Variants in SNTG1 observed in about 807,000 individuals in gnomAD.
SNTG1 encodes gamma-1-syntrophin.
A neutral mutation model predicts 74.7 loss-of-function variants in SNTG1; 39 were observed. The observed-to-expected ratio is 0.52, with a 90% CI of 0.40 to 0.68. SNTG1 has a LOEUF of 0.68. Ranked by LOEUF, SNTG1 falls within the 30% of genes least tolerant of loss-of-function variation. The probability of loss-of-function intolerance (pLI) is 0.00; values close to 1 mark genes in which losing one functional copy is unlikely to be tolerated. For missense variants in SNTG1, 685 were observed against 609.5 expected (o/e 1.12, Z -1.30); for synonymous variants, 254 against 217.1 (o/e 1.17, Z -1.49).
chr8:50,512,940 T>A (rs1470057610), intron 9 of SNTG1, among the ~76,000 whole-genome samples: 1 of 152,234 alleles, frequency 6.6e-6, no homozygotes, highest in Non-Finnish European at 1.5e-5. Flanking sequence ...TCAATCCAGC[T>A]TTGTTCTGTT....
At chr8:49,947,306 A>C (rs1809284067) in intron 1 of SNTG1, among the ~76,000 whole-genome samples, 1 of 152,188 alleles carries the variant, frequency 6.6e-6, no homozygotes, top group African/African-American at 2.4e-5. Flanking sequence ...GTCTCAAAAA[A>C]AAAGAGTAAT....
intron 17 of SNTG1, among the ~76,000 whole-genome samples, chr8:50,723,976 G>A (rs1209040623): frequency 6.6e-6 from 1 of 152,158 alleles, no homozygotes; most frequent in Non-Finnish European, 1.5e-5. Context: ...TCAGAGGCAT[G>A]AAAGGGCTTT....
At chr8:50,758,338 T>A (rs1252522587) in intron 18 of SNTG1, among the ~76,000 whole-genome samples, 1 of 152,034 alleles carries the variant, frequency 6.6e-6, no homozygotes, top group Non-Finnish European at 1.5e-5. Flanking sequence ...GTTTTTATTA[T>A]AATTTAAGTT....
chr8:50,679,045 G>C (rs879283293), intron 15 of SNTG1, among the ~76,000 whole-genome samples: 13 of 151,974 alleles, frequency 8.6e-5, no homozygotes, highest in Non-Finnish European at 1.3e-4. Flanking sequence ...TCAAAACATG[G>C]AATAATATTC....
chr8:50,642,665 C>T (rs2131181057), intron 13 of SNTG1, among the ~76,000 whole-genome samples: 1 of 152,222 alleles, frequency 6.6e-6, no homozygotes, highest in African/African-American at 2.4e-5. Context: ...TCCTTTAAGC[C>T]TATACTCAAA....
chr8:50,636,335 C>A (rs1270563949), intron 13 of SNTG1, among the ~76,000 whole-genome samples: 1 of 151,900 alleles, frequency 6.6e-6, no homozygotes, highest in East Asian at 2.0e-4. Flanking sequence ...GCTTTGAGCC[C>A]AGCAGAGCAC....
chr8:50,793,072 ATTGC>A lies in SNTG1; in HGVS notation c.*246_*249del, dbSNP rs2131877941. On this transcript the variant is annotated 3_prime_UTR_variant, in exon 19 of 19. Transcript: ENST00000642720. ...TCAGTTGCTTTGTACCAGTAAGTGT[ATTGC>A]TTTCACCAAAAGTGGAGACAAAAGA... 2.9e-6 allele frequency: 1 copy of A among 344,676 alleles called. No individual in the cohort carries two copies. Among genetic ancestry groups the A allele is most frequent in the East Asian group, 4.4e-5 (1 of 22,622 alleles). 21.4% of individuals were successfully genotyped at this position (344,676 alleles called of 1,614,324 possible). A position where few individuals can be genotyped will look rare whatever the true frequency, so the allele number is the denominator to read the frequency against.
At chr8:50,114,550 C>A (rs891500213) in intron 1 of SNTG1, among the ~76,000 whole-genome samples, 2 of 151,994 alleles carry the variant, frequency 1.3e-5, no homozygotes, top group East Asian at 3.9e-4. Flanking sequence ...AAATGTTGGC[C>A]AAAGGGTATA....
At chr8:50,609,570 T>C (rs973903911) in intron 13 of SNTG1, among the ~76,000 whole-genome samples, 3 of 152,096 alleles carry the variant, frequency 2.0e-5, no homozygotes, top group Non-Finnish European at 4.4e-5. Context: ...ATTAATGTTG[T>C]TCCTTGAGTT....
At chr8:50,048,855 T>C (rs1016303412) in intron 1 of SNTG1, among the ~76,000 whole-genome samples, 7 of 152,166 alleles carry the variant, frequency 4.6e-5, no homozygotes, top group Non-Finnish European at 1.0e-4. Context: ...TTTTGCCTAA[T>C]AGGACTGGGG....
At chr8:50,544,902 T>G (rs538959952) in intron 11 of SNTG1, among the ~76,000 whole-genome samples, 3 of 151,978 alleles carry the variant, frequency 2.0e-5, no homozygotes, top group Non-Finnish European at 4.4e-5. Flanking sequence ...AAAAGATAAA[T>G]AAGTGATTTA....
intron 11 of SNTG1, among the ~76,000 whole-genome samples, chr8:50,537,166 C>G (rs1257214224): frequency 2.6e-5 from 4 of 152,032 alleles, no homozygotes; most frequent in Non-Finnish European, 5.9e-5. Context: ...GCTCTGTTGC[C>G]CTAGCTGGAG....
chr8:50,452,448 CT>C (rs2093466160), intron 8 of SNTG1, among the ~76,000 whole-genome samples: 2 of 152,186 alleles, frequency 1.3e-5, no homozygotes, highest in South Asian at 4.1e-4. Flanking sequence ...TGATTTTAAA[CT>C]CATTACCCAG....
intron 13 of SNTG1, among the ~76,000 whole-genome samples, chr8:50,623,880 C>CT (rs145037329): frequency 2.0e-5 from 3 of 151,784 alleles, no homozygotes; most frequent in African/African-American, 4.8e-5. Context: ...TTTATTATCT[C>CT]TTTTTTTAAA....
intron 1 of SNTG1, among the ~76,000 whole-genome samples, chr8:49,981,762 A>G (rs1238411177): frequency 2.0e-5 from 3 of 152,182 alleles, no homozygotes; most frequent in Admixed American, 1.3e-4. Flanking sequence ...TCCTCCCCAA[A>G]GGCATATAAA....
chr8:50,375,241 C>T (rs796284875), intron 2 of SNTG1, among the ~76,000 whole-genome samples: 8 of 152,192 alleles, frequency 5.3e-5, no homozygotes, highest in African/African-American at 1.9e-4. Context: ...TGAATCTATA[C>T]TCTAATGTCA....
chr8:50,727,698 C>G (rs2095503488), intron 17 of SNTG1, among the ~76,000 whole-genome samples: 1 of 152,136 alleles, frequency 6.6e-6, no homozygotes, highest in Non-Finnish European at 1.5e-5. Context: ...CTTGATTGGC[C>G]CTGTCATTAC....
At chr8:50,139,460 C>T (rs1040073929) in intron 1 of SNTG1, among the ~76,000 whole-genome samples, 1 of 152,188 alleles carries the variant, frequency 6.6e-6, no homozygotes, top group African/African-American at 2.4e-5. Flanking sequence ...CCCAGAAGAG[C>T]TGCAATATGT....
intron 1 of SNTG1, among the ~76,000 whole-genome samples, chr8:49,979,907 C>A (rs1563425368): frequency 2.6e-5 from 4 of 152,176 alleles, no homozygotes; most frequent in Non-Finnish European, 5.9e-5. Flanking sequence ...GAGGAAAATT[C>A]TATCCTGGTG....
Sources: allele counts gnomAD v4.1 joint callset (sites outside exome capture counted in the v4.1 genomes callset), GRCh38; gene constraint gnomAD v4.1.1; transcripts MANE v1.5; gene names NCBI Gene and HGNC (gene_info 2026-07-23, HGNC 2026-07-21).